The following METTL15 variants were observed in gnomAD, a reference collection of about 807,000 sequenced individuals.
METTL15 encodes the protein methyltransferase 15, mitochondrial 12S rRNA N4-cytidine.
A neutral mutation model predicts 38.3 loss-of-function variants in METTL15; 34 were observed. The observed-to-expected ratio is 0.89, with a 90% CI of 0.68 to 1.18. The LOEUF is 1.18. Ranked by LOEUF, METTL15 falls within the 50% of genes most tolerant of loss-of-function variation. The pLI, the probability that METTL15 is intolerant of heterozygous loss-of-function variation, is 0.00. For synonymous variants in METTL15, 162 were observed against 170.9 expected (o/e 0.95, Z 0.41); for missense variants, 438 against 498.4 (o/e 0.88, Z 1.15).
At chr11:28,220,607 A>T (rs1182952544) in intron 4 of METTL15, among the ~76,000 whole-genome samples, 2 of 152,042 alleles carry the variant, frequency 1.3e-5, no homozygotes, top group Non-Finnish European at 2.9e-5. Flanking sequence ...CGTCATTATG[A>T]TGTTAGTTGG....
chr11:28,447,236 G>A (rs900897130), intron 6 of METTL15, among the ~76,000 whole-genome samples: 1 of 152,098 alleles, frequency 6.6e-6, no homozygotes, highest in Non-Finnish European at 1.5e-5. Context: ...CCAACTGAAT[G>A]TAATTCTCTC....
intron 6 of METTL15, among the ~76,000 whole-genome samples, chr11:28,474,844 T>A (rs1443579037): frequency 2.0e-5 from 3 of 152,150 alleles, no homozygotes; most frequent in Non-Finnish European, 4.4e-5. Flanking sequence ...CAATACTATT[T>A]TAAACTCCCA....
At chr11:28,112,537 T>A (rs1465866049) in intron 2 of METTL15, among the ~76,000 whole-genome samples, 1 of 152,196 alleles carries the variant, frequency 6.6e-6, no homozygotes, top group Non-Finnish European at 1.5e-5. Flanking sequence ...CCTTTTTTTC[T>A]TCTGCATTTT....
intron 3 of METTL15, among the ~76,000 whole-genome samples, chr11:28,342,651 A>G (rs1849962900): frequency 6.6e-6 from 1 of 152,132 alleles, no homozygotes. Context: ...GATTTCTGTT[A>G]TTTATAACCA....
chr11:28,201,761 G>A (rs1277529155), intron 3 of METTL15, among the ~76,000 whole-genome samples: 1 of 152,020 alleles, frequency 6.6e-6, no homozygotes, highest in Admixed American at 6.6e-5. Context: ...GCCCACTGTT[G>A]TATTTCTAGT....
In METTL15 at chr11:28,514,951, G is replaced by A. The variant is rs186441327; in HGVS notation, c.*425-11527G>A. On this transcript the variant is annotated intron_variant and NMD_transcript_variant, in intron 6 of 7. Transcript: ENST00000532947. ...ATGCATTTGTGAAGAGCATATAGTG[G>A]CTATTTTTCTTTGCCAGGTTATCTG... Among the ~76,000 whole-genome samples the A allele has an allele frequency of 4.9e-4, 74 of 152,280 alleles. 1 individual carries two copies. In the East Asian group the frequency reaches 0.013, roughly 28 times the overall value.
chr11:28,368,609 C>G (rs1850212330), intron 5 of METTL15, among the ~76,000 whole-genome samples: 1 of 152,120 alleles, frequency 6.6e-6, no homozygotes, highest in African/African-American at 2.4e-5. Flanking sequence ...CCTCAAGGAT[C>G]TAGAACTAGA....
intron 4 of METTL15, among the ~76,000 whole-genome samples, chr11:28,252,671 C>G (rs1854796351): frequency 6.6e-6 from 1 of 152,060 alleles, no homozygotes; most frequent in South Asian, 2.1e-4. Flanking sequence ...AGTCTCTCCC[C>G]GTCTATGGGA....
chr11:28,228,456 A>G (rs1853566816), intron 4 of METTL15, among the ~76,000 whole-genome samples: 1 of 152,010 alleles, frequency 6.6e-6, no homozygotes, highest in African/African-American at 2.4e-5. Flanking sequence ...TGTCTAGCAT[A>G]TCTTTTTAAT....
intron 5 of METTL15, among the ~76,000 whole-genome samples, chr11:28,362,760 A>G (rs758170860): frequency 3.9e-5 from 6 of 152,236 alleles, no homozygotes; most frequent in South Asian, 2.1e-4. Context: ...TTCTTTATCT[A>G]ATCCACTGTT....
At chr11:28,356,631 G>T (rs931425340) in intron 4 of METTL15, among the ~76,000 whole-genome samples, 2 of 152,132 alleles carry the variant, frequency 1.3e-5, no homozygotes, top group Admixed American at 1.3e-4. Flanking sequence ...GACCCCAAAG[G>T]TGACTCCTAT....
intron 3 of METTL15, among the ~76,000 whole-genome samples, chr11:28,340,041 T>C (rs1214688536): frequency 6.6e-6 from 1 of 151,932 alleles, no homozygotes; most frequent in Non-Finnish European, 1.5e-5. Flanking sequence ...GGCTTGAAAA[T>C]ATAAAACTAG....
intron 3 of METTL15, among the ~76,000 whole-genome samples, chr11:28,126,961 A>T (rs1314828996): frequency 1.3e-5 from 2 of 152,074 alleles, no homozygotes; most frequent in African/African-American, 4.8e-5. Flanking sequence ...GGTTAAGAGG[A>T]GGGTAAAGAA....
intron 4 of METTL15, among the ~76,000 whole-genome samples, chr11:28,353,116 T>C (rs1457978135): frequency 1.3e-5 from 2 of 152,056 alleles, no homozygotes; most frequent in Non-Finnish European, 2.9e-5. Flanking sequence ...ATTCTGGGGC[T>C]CCAGTTAAAA....
At chr11:28,421,309 A>G (rs184317700) in intron 5 of METTL15, among the ~76,000 whole-genome samples, 2 of 152,082 alleles carry the variant, frequency 1.3e-5, no homozygotes, top group East Asian at 1.9e-4. Flanking sequence ...TATCAATCCT[A>G]CTCAAACTAT....
At chr11:28,335,223 A>G (rs1006621489), downstream of METTL15, among the ~76,000 whole-genome samples, 1 of 152,186 alleles carries the variant, frequency 6.6e-6, no homozygotes, top group African/African-American at 2.4e-5. Flanking sequence ...TAATTTCACA[A>G]GGAAAAGTCT....
rs1018299024 is a variant in METTL15, at chr11:28,450,509, A to T, written c.*424+26145A>T. On this transcript the variant is annotated intron_variant and NMD_transcript_variant, in intron 6 of 7. Coordinates refer to the METTL15 transcript ENST00000532947. Reference sequence around the variant, plus strand: ...TAAAAGCCTTTTGTATGTATCCTTTATAAAGGTAAAAGCTTATTGAATGTT... The same window carrying T: ...TAAAAGCCTTTTGTATGTATCCTTTTTAAAGGTAAAAGCTTATTGAATGTT... Among the ~76,000 whole-genome samples the T allele has an allele frequency of 4.6e-5, 7 of 152,238 alleles. 1 individual carries two copies. Among genetic ancestry groups the T allele is most frequent in the African/African-American group, 1.7e-4 (7 of 41,464 alleles).
chr11:28,140,320 T>C (rs1168912598), intron 3 of METTL15, among the ~76,000 whole-genome samples: 4 of 152,144 alleles, frequency 2.6e-5, no homozygotes, highest in African/African-American at 7.2e-5. Flanking sequence ...AGGAAAATAC[T>C]GTAGAAAAGA....
chr11:28,455,854 C>T (rs1393127381), intron 6 of METTL15, among the ~76,000 whole-genome samples: 1 of 151,056 alleles, frequency 6.6e-6, no homozygotes, highest in East Asian at 2.0e-4. Flanking sequence ...CTACAGGTGC[C>T]CGCTACCACA....
Sources: allele counts gnomAD v4.1 joint callset (sites outside exome capture counted in the v4.1 genomes callset), GRCh38; gene constraint gnomAD v4.1.1; transcripts MANE v1.5; gene names NCBI Gene and HGNC (gene_info 2026-07-23, HGNC 2026-07-21).